The following AKAP19 variants were observed in gnomAD, a reference collection of about 807,000 sequenced individuals.
AKAP19 encodes the protein small A-kinase anchoring protein.
At chr2:190,021,246 A>G in the AKAP19 span, among the ~76,000 whole-genome samples, 1 of 152,096 alleles carries the variant, frequency 6.6e-6, no homozygotes, top group African/African-American at 2.4e-5. Context: ...TTTATTATTT[A>G]TACTTCTAGA....
chr2:189,895,138 G>T, the AKAP19 span, among the ~76,000 whole-genome samples: 1 of 151,846 alleles, frequency 6.6e-6, no homozygotes, highest in East Asian at 1.9e-4. Flanking sequence ...TAACATAAAA[G>T]AAAATATTAA....
the AKAP19 span, among the ~76,000 whole-genome samples, chr2:190,123,433 T>C: frequency 6.6e-6 from 1 of 152,166 alleles, no homozygotes; most frequent in African/African-American, 2.4e-5. Flanking sequence ...GGTGTGAAGG[T>C]TAGTTATTCT....
the AKAP19 span, among the ~76,000 whole-genome samples, chr2:189,901,696 A>T: frequency 1.8e-4 from 28 of 152,312 alleles, no homozygotes; most frequent in African/African-American, 6.5e-4. Context: ...AAGAAGGAAC[A>T]TGGGTATTTA....
chr2:189,990,682 CTG>C, the AKAP19 span, among the ~76,000 whole-genome samples: 1 of 152,014 alleles, frequency 6.6e-6, no homozygotes, highest in Admixed American at 6.6e-5. Context: ...CTTATGAAAA[CTG>C]AGTATTATTT....
At chr2:190,167,128 G>C in the AKAP19 span, among the ~76,000 whole-genome samples, 1 of 152,210 alleles carries the variant, frequency 6.6e-6, no homozygotes, top group African/African-American at 2.4e-5. Flanking sequence ...ATTGACAAAA[G>C]AAACAGGTTT....
chr2:190,086,969 A>G, the AKAP19 span, among the ~76,000 whole-genome samples: 1 of 152,190 alleles, frequency 6.6e-6, no homozygotes, highest in African/African-American at 2.4e-5. Flanking sequence ...TGTTTCCTGG[A>G]AAAAGTATTC....
chr2:190,199,932 T>C, the AKAP19 span: 2 of 1,613,908 alleles, frequency 1.2e-6, no homozygotes, highest in Non-Finnish European at 1.7e-6. Flanking sequence ...AGCATGAGAG[T>C]GAAGAACCCT....
At chr2:190,038,901 T>TTTCCTCTTCTTC in the AKAP19 span, among the ~76,000 whole-genome samples, 1 of 46,002 alleles carries the variant, frequency 2.2e-5, no homozygotes, top group Non-Finnish European at 4.6e-5. Flanking sequence ...TCTTTCTTTC[T>TTTCCTCTTCTTC]TTCTTCTTCT....
chr2:189,984,972 A>C, the AKAP19 span, among the ~76,000 whole-genome samples: 1 of 152,064 alleles, frequency 6.6e-6, no homozygotes, highest in South Asian at 2.1e-4. Context: ...AGACACACCT[A>C]TGCAAGCTGG....
the AKAP19 span, among the ~76,000 whole-genome samples, chr2:190,184,237 G>C: frequency 6.6e-6 from 1 of 152,176 alleles, no homozygotes; most frequent in African/African-American, 2.4e-5. Flanking sequence ...GGGAGTAACA[G>C]ATATGTGACC....
At chr2:190,166,432 C>T in the AKAP19 span, among the ~76,000 whole-genome samples, 2 of 141,542 alleles carry the variant, frequency 1.4e-5, no homozygotes, top group Admixed American at 7.6e-5. Context: ...CTTTCCAACT[C>T]ATTTTATAAA....
chr2:190,114,213 G>A, the AKAP19 span, among the ~76,000 whole-genome samples: 1 of 151,982 alleles, frequency 6.6e-6, no homozygotes, highest in African/African-American at 2.4e-5. Context: ...TTTAATTCTG[G>A]ATTCATAAAG....
the AKAP19 span, among the ~76,000 whole-genome samples, chr2:190,076,233 A>AT: frequency 6.6e-6 from 1 of 152,144 alleles, no homozygotes; most frequent in African/African-American, 2.4e-5. Flanking sequence ...ATTATTCTTT[A>AT]TTGTGGGGGG....
chr2:189,954,104 A>G, the AKAP19 span, among the ~76,000 whole-genome samples: 1 of 152,196 alleles, frequency 6.6e-6, no homozygotes, highest in Non-Finnish European at 1.5e-5. Flanking sequence ...GGAGAAAGAG[A>G]AGGAAAGAGA....
the AKAP19 span, among the ~76,000 whole-genome samples, chr2:189,897,980 G>A: frequency 2.6e-5 from 4 of 152,134 alleles, no homozygotes; most frequent in East Asian, 7.7e-4. Context: ...AGGCTGAGAC[G>A]GTGGATCGCT....
chr2:190,164,846 T>G, the AKAP19 span, among the ~76,000 whole-genome samples: 1 of 152,256 alleles, frequency 6.6e-6, no homozygotes, highest in Non-Finnish European at 1.5e-5. Context: ...GATATTCTAA[T>G]GCTAGCAGGC....
the AKAP19 span, among the ~76,000 whole-genome samples, chr2:189,999,007 A>G: frequency 1.3e-5 from 2 of 151,828 alleles, no homozygotes; most frequent in East Asian, 3.9e-4. Flanking sequence ...CCTGGCCTCA[A>G]GTGATCTGCC....
At chr2:190,025,627 A>T in the AKAP19 span, among the ~76,000 whole-genome samples, 1 of 152,208 alleles carries the variant, frequency 6.6e-6, no homozygotes, top group Non-Finnish European at 1.5e-5. Flanking sequence ...ACAGCCAATG[A>T]CTGAGCATGG....
chr2:189,958,435 A>G, the AKAP19 span, among the ~76,000 whole-genome samples: 1 of 151,530 alleles, frequency 6.6e-6, no homozygotes, highest in Non-Finnish European at 1.5e-5. Flanking sequence ...ATAAATTGGT[A>G]AAAAGCACAT....
Sources: gnomAD v4.1 joint callset for allele counts (sites outside exome capture counted in the v4.1 genomes callset) on GRCh38, gnomAD v4.1.1 for gene constraint, MANE v1.5 for transcripts, NCBI Gene and HGNC (gene_info 2026-07-23, HGNC 2026-07-21) for gene names.